The following CDHR3 variants were observed in gnomAD, a reference collection of about 807,000 sequenced individuals.
The protein encoded by CDHR3 is cadherin-related family member 3.
CDHR3 carries 79 observed loss-of-function variants against 86.6 expected under a neutral mutation model. The observed-to-expected ratio is 0.91, with a 90% CI of 0.76 to 1.10. The LOEUF (loss-of-function observed/expected upper bound fraction) is 1.10. CDHR3 is among the 50% of genes least tolerant of loss of function. The pLI, the probability that CDHR3 is intolerant of heterozygous loss-of-function variation, is 0.00. For synonymous variants in CDHR3, 421 were observed against 402.4 expected (o/e 1.05, Z -0.55); for missense variants, 1,081 against 1,077.6 (o/e 1.00, Z -0.04).
chr7:106,001,408 G>T (rs946247776), intron 6 of CDHR3, 54 bp from the exon 7 acceptor site: 1 of 1,604,206 alleles, frequency 6.2e-7, no homozygotes, highest in Admixed American at 1.7e-5. Context: ...TCGCCTAGAT[G>T]CTACCTTCCC....
At position 106,015,160 on chromosome 7, in the gene CDHR3, A is replaced by T; in HGVS notation, c.1274A>T (p.Asn425Ile). The change falls in exon 10 of 19, where the codon AAT (asparagine) becomes ATT (isoleucine). Residue 425 changes from asparagine (N) to isoleucine (I), a missense_variant. Coordinates refer to ENST00000317716, the MANE Select transcript of CDHR3 (RefSeq NM_152750.5). ...AATCCAAGTAACCTAGCAGCCGGCA[A>T]TAAATATACGGTGATAATCCAGGTG... ...YENPSNLAAGNKYTVIIQVQD... is the reference protein window; with the variant it reads ...YENPSNLAAGIKYTVIIQVQD... The T allele has an allele frequency of 6.2e-7, 1 of 1,611,816 alleles. No individual in the cohort carries two copies.
chr7:106,027,827 T>A (rs1293479465), intron 16 of CDHR3, among the ~76,000 whole-genome samples: 1 of 151,922 alleles, frequency 6.6e-6, no homozygotes, highest in East Asian at 1.9e-4. Context: ...ATCCCACTTT[T>A]TAAAAAGGGG....
intron 11 of CDHR3, 76 bp from the exon 12 acceptor site, chr7:106,017,770 T>C: frequency 1.7e-6 from 2 of 1,210,532 alleles, no homozygotes; most frequent in South Asian, 2.7e-5. Flanking sequence ...ACCATGGCAG[T>C]TAGGACATCT....
At chr7:106,013,649 C>T (rs1835144884) in intron 9 of CDHR3, among the ~76,000 whole-genome samples, 1 of 152,176 alleles carries the variant, frequency 6.6e-6, no homozygotes, top group Admixed American at 6.5e-5. Context: ...AAGCAGCAGC[C>T]TCAGGGAGGG....
intron 13 of CDHR3, among the ~76,000 whole-genome samples, 179 bp downstream of exon 13, chr7:106,020,723 A>G (rs1836439230): frequency 6.6e-6 from 1 of 152,168 alleles, no homozygotes; most frequent in South Asian, 2.1e-4. Flanking sequence ...CCCTGGGCTC[A>G]AGTAATCCTC....
intron 8 of CDHR3, 131 bp downstream of exon 8, chr7:106,004,818 G>C (rs983391741): frequency 2.6e-5 from 22 of 858,616 alleles, no homozygotes; most frequent in Non-Finnish European, 4.0e-5. Context: ...AAATCGATGT[G>C]AACTGTTCAC....
chr7:105,996,388 G>A lies in CDHR3; in HGVS notation c.713+34G>A, dbSNP rs77856426. 1,054 of 1,302,890 alleles carry A rather than the reference G, an allele frequency of 8.1e-4. 5 individuals carry two copies. In the African/African-American group the frequency reaches 0.013, roughly 16 times the overall value. The allele number at this position is 1,302,890 out of a possible 1,614,324, so 80.7% of individuals were successfully genotyped here. The stretch of plus-strand genomic sequence containing the variant: ...GAGGGCATGCAGGACTCCCTGGGCC[G>A]CAGGTGCGTCCTTCTTAGGCGGCCT... On this transcript the variant is annotated intron_variant, in intron 6 of 18. Coordinates refer to ENST00000317716, the MANE Select transcript of CDHR3 (RefSeq NM_152750.5).
At position 105,994,770 on chromosome 7, in the gene CDHR3, C is replaced by A; in HGVS notation, c.533C>A (p.Pro178Gln). 6.2e-7 allele frequency: 1 copy of A among 1,612,006 alleles called. No homozygotes were observed. The highest frequency in any genetic ancestry group is 2.2e-5 in the East Asian group (1 of 44,866). ...IPLSYFLISP[P>Q]KSFRMSANGT... Reference sequence around the variant, plus strand: ...TTTTAGTATTTCCTGATTTCTCCCCCAAAGAGCTTCAGAATGTCTGCTAAT... The same window carrying A: ...TTTTAGTATTTCCTGATTTCTCCCCAAAAGAGCTTCAGAATGTCTGCTAAT... The change falls in exon 5 of 19, where the codon CCA becomes CAA. Residue 178 changes from proline to glutamine, a missense_variant. Pro to Gln is a moderately conservative substitution (Grantham distance 76). Coordinates refer to ENST00000317716, the MANE Select transcript of CDHR3 (RefSeq NM_152750.5).
rs892243282 is a variant in CDHR3, at chr7:106,034,355, C to T, written c.*1658C>T. Reference sequence around the variant, plus strand: ...GTTCATTAGGGAAGCACTCCCTTCCCAACTGGGGAGTCAGGTGAGAGCCTA... The same window carrying T: ...GTTCATTAGGGAAGCACTCCCTTCCTAACTGGGGAGTCAGGTGAGAGCCTA... On this transcript the variant is annotated 3_prime_UTR_variant, in exon 19 of 19. Coordinates refer to ENST00000317716, the MANE Select transcript of CDHR3 (RefSeq NM_152750.5). Among the ~76,000 whole-genome samples the T allele has an allele frequency of 1.3e-5, 2 of 152,198 alleles. No individual in the cohort carries two copies. The highest frequency in any genetic ancestry group is 4.8e-5 in the African/African-American group (2 of 41,440).
intron 11 of CDHR3, among the ~76,000 whole-genome samples, chr7:106,016,830 AT>A (rs1217245725): frequency 6.6e-6 from 1 of 152,242 alleles, no homozygotes; most frequent in Admixed American, 6.5e-5. Flanking sequence ...TATCCAGTGA[AT>A]AACAAATTCG....
At chr7:105,971,332 G>A (rs577484589) in intron 1 of CDHR3, among the ~76,000 whole-genome samples, 3 of 152,040 alleles carry the variant, frequency 2.0e-5, no homozygotes, top group Admixed American at 6.6e-5. Flanking sequence ...CAAGAATATC[G>A]GCAGAAAGGG....
intron 2 of CDHR3, among the ~76,000 whole-genome samples, chr7:105,978,531 C>T (rs972455236): frequency 1.3e-5 from 2 of 152,124 alleles, no homozygotes; most frequent in African/African-American, 2.4e-5. Flanking sequence ...ACAACCAAAT[C>T]GAGGGTCCAC....
chr7:106,011,474 A>G (rs113054155), intron 8 of CDHR3, among the ~76,000 whole-genome samples: 118 of 152,136 alleles, frequency 7.8e-4, no homozygotes, highest in Non-Finnish European at 1.5e-3. Flanking sequence ...CCTTCCCACC[A>G]CCAGGCATGT....
intron 4 of CDHR3, among the ~76,000 whole-genome samples, chr7:105,984,973 C>T (rs967019722): frequency 1.3e-5 from 2 of 151,372 alleles, no homozygotes; most frequent in South Asian, 2.1e-4. Flanking sequence ...GTGGAAGGAT[C>T]GCTTGAGCCT....
intron 4 of CDHR3, among the ~76,000 whole-genome samples, chr7:105,992,456 G>GTGT (rs1370613166): frequency 6.6e-6 from 1 of 152,238 alleles, no homozygotes; most frequent in Non-Finnish European, 1.5e-5. Context: ...GTGAGCTGGA[G>GTGT]TGTTAATGGG....
chr7:106,011,994 T>C (rs568620510), intron 8 of CDHR3, among the ~76,000 whole-genome samples: 12 of 152,198 alleles, frequency 7.9e-5, no homozygotes, highest in Admixed American at 2.6e-4. Context: ...CTTCAAAGCA[T>C]GGGAAATGAG....
At chr7:106,028,703 G>A in intron 17 of CDHR3, 121 bp downstream of exon 17, 1 of 1,043,042 alleles carries the variant, frequency 9.6e-7, no homozygotes, top group African/African-American at 1.6e-5. Context: ...AGGTGCTTGT[G>A]TTTGGCTACT....
At chr7:105,994,679 G>C in intron 4 of CDHR3, 72 bp from the exon 5 acceptor site, 1 of 1,000,972 alleles carries the variant, frequency 1.0e-6, no homozygotes, top group Non-Finnish European at 1.6e-6. Context: ...AATAGGAAAT[G>C]AGCACACACA....
chr7:106,001,874 A>G (rs1006640977), intron 7 of CDHR3, among the ~76,000 whole-genome samples: 3 of 152,278 alleles, frequency 2.0e-5, no homozygotes, highest in Admixed American at 6.5e-5. Flanking sequence ...TGTTTAGGGA[A>G]TAATGACAAG....
Sources: gnomAD v4.1 joint callset for allele counts (sites outside exome capture counted in the v4.1 genomes callset) on GRCh38, gnomAD v4.1.1 for gene constraint, MANE v1.5 for transcripts, NCBI Gene and HGNC (gene_info 2026-07-23, HGNC 2026-07-21) for gene names.